The following COL14A1 variants were observed in gnomAD, a reference collection of about 807,000 sequenced individuals.
COL14A1 encodes the protein collagen type XIV alpha 1 chain.
A neutral mutation model predicts 230.3 loss-of-function variants in COL14A1; 136 were observed. That is an observed-to-expected ratio of 0.59 (90% confidence interval 0.51 to 0.68). COL14A1 has a LOEUF of 0.68. COL14A1 is among the 30% of genes least tolerant of loss of function. The pLI, the probability that COL14A1 is intolerant of heterozygous loss-of-function variation, is 0.00. For synonymous variants in COL14A1, 792 were observed against 784.1 expected (o/e 1.01, Z -0.17); for missense variants, 1,976 against 2,215.8 (o/e 0.89, Z 2.17).
At chr8:120,175,038 AAG>A (rs1816232975) in intron 5 of COL14A1, among the ~76,000 whole-genome samples, 1 of 152,168 alleles carries the variant, frequency 6.6e-6, no homozygotes, top group African/African-American at 2.4e-5. Flanking sequence ...TTTCTTGTAT[AAG>A]AGTCTACACT....
At chr8:120,346,830 A>G (rs930852) in intron 45 of COL14A1, among the ~76,000 whole-genome samples, 81,943 of 152,072 alleles carry the variant, frequency 0.54, 23,560 homozygotes, top group African/African-American at 0.76. Context: ...GAGAGCAGGG[A>G]TTGGTTCTGA....
intron 1 of COL14A1, among the ~76,000 whole-genome samples, chr8:120,135,689 G>T (rs1814688828): frequency 6.6e-6 from 1 of 151,814 alleles, no homozygotes; most frequent in Non-Finnish European, 1.5e-5. Flanking sequence ...TGAATCTATA[G>T]ATTATCTTAA....
intron 25 of COL14A1, among the ~76,000 whole-genome samples, chr8:120,267,603 A>G (rs1819535941): frequency 6.6e-6 from 1 of 151,892 alleles, no homozygotes; most frequent in South Asian, 2.1e-4. Flanking sequence ...TTTGATCTAC[A>G]TTTTGAAGAA....
At chr8:120,290,484 A>G (rs1408008853) in intron 34 of COL14A1, among the ~76,000 whole-genome samples, 4 of 152,182 alleles carry the variant, frequency 2.6e-5, no homozygotes, top group Non-Finnish European at 2.9e-5. Context: ...GAGTCATTCT[A>G]TAGTGAGGCA....
Position 120,173,298 on chromosome 8 carries a change from C to A in COL14A1, c.436+5051C>A, listed in dbSNP as rs565144783. On this transcript the variant is annotated intron_variant, in intron 5 of 47. Coordinates refer to ENST00000297848, the MANE Select transcript of COL14A1 (RefSeq NM_021110.4). ...CTAGGCGGGAACTATTTCATGCTGT[C>A]TCTTATGTCTTTTAAATATGTTCCC... Among the ~76,000 whole-genome samples, 5 of 152,208 alleles carry A rather than the reference C, an allele frequency of 3.3e-5. No individual in the cohort carries two copies. In the East Asian group the frequency reaches 9.7e-4, roughly 29 times the overall value.
intron 1 of COL14A1, among the ~76,000 whole-genome samples, chr8:120,126,746 G>A (rs1192117371): frequency 3.9e-5 from 6 of 152,170 alleles, no homozygotes; most frequent in African/African-American, 1.4e-4. Context: ...GTTTCTGACA[G>A]CATGGTCCAG....
At chr8:120,299,199 C>T (rs1006106810) in intron 35 of COL14A1, among the ~76,000 whole-genome samples, 1 of 152,036 alleles carries the variant, frequency 6.6e-6, no homozygotes, top group East Asian at 1.9e-4. Context: ...GGTGGGGACA[C>T]AGCCAAACTG....
chr8:120,241,142 TATTAAG>T (rs1317605640), intron 19 of COL14A1, among the ~76,000 whole-genome samples: 1 of 152,248 alleles, frequency 6.6e-6, no homozygotes, highest in African/African-American at 2.4e-5. Context: ...TAGTTTCAGA[TATTAAG>T]ATTAACATTT....
chr8:120,275,540 C>T (rs1276928127), intron 26 of COL14A1, among the ~76,000 whole-genome samples: 1 of 151,284 alleles, frequency 6.6e-6, no homozygotes, highest in Non-Finnish European at 1.5e-5. Context: ...TCAGAGTAAA[C>T]AGAAAACACA....
chr8:120,227,181 C>T, intron 16 of COL14A1, 39 bp from the exon 17 acceptor site: 2 of 1,586,884 alleles, frequency 1.3e-6, no homozygotes, highest in South Asian at 1.2e-5. Flanking sequence ...ACTTTTTTTT[C>T]AAATAAGCAT....
chr8:120,344,279 A>T (rs2130281075), intron 44 of COL14A1, among the ~76,000 whole-genome samples: 1 of 152,328 alleles, frequency 6.6e-6, no homozygotes, highest in Admixed American at 6.5e-5. Context: ...TGGGATCCTT[A>T]TTGTATTCCT....
intron 5 of COL14A1, among the ~76,000 whole-genome samples, chr8:120,182,958 C>G (rs1563656476): frequency 6.6e-6 from 1 of 152,034 alleles, no homozygotes. Context: ...AACTCCTGAG[C>G]TCAGGTGATC....
intron 36 of COL14A1, among the ~76,000 whole-genome samples, chr8:120,305,508 G>A (rs565351752): frequency 3.3e-5 from 5 of 152,000 alleles, no homozygotes; most frequent in African/African-American, 9.6e-5. Context: ...TTTTATTTGC[G>A]ACATTTCATT....
At position 120,372,454 on chromosome 8, in the gene COL14A1, G is replaced by C. The variant is rs557401006; in HGVS notation, c.*1223G>C. 6.6e-6 allele frequency among the ~76,000 whole-genome samples: 1 copy of C among 152,112 alleles called. No individual in the cohort carries two copies. The highest frequency in any genetic ancestry group is 1.5e-5 in the Non-Finnish European group (1 of 68,014). ...CATACTTTGTCTTTTGCTCACAAAG[G>C]AAAAATCTAGGTATTTGAGAAAGAT... On this transcript the variant is annotated 3_prime_UTR_variant, in exon 48 of 48. Coordinates refer to ENST00000297848, the MANE Select transcript of COL14A1 (RefSeq NM_021110.4).
chr8:120,197,900 C>G lies in COL14A1; in HGVS notation c.682C>G (p.Leu228Val). ...KDEVIEAVRN[L>V]PYKGGNTLTG... is the part of the protein sequence containing the mutation. The stretch of plus-strand genomic sequence containing the variant: ...TGAAGTGATTGAAGCTGTCCGAAAC[C>G]TCCCATATAAAGGAGGAAATACACT... The change falls in exon 7 of 48, where the codon CTC becomes GTC. Residue 228 changes from leucine (L) to valine (V), a missense_variant. Physicochemically the swap from Leu to Val is conservative, Grantham distance 32. This residue lies in a region of COL14A1 where 1,791 missense variants were observed against 2,019.5 expected (regional missense o/e 0.89). Transcript: ENST00000297848. 6.2e-7 allele frequency: 1 copy of G among 1,613,588 alleles called. No individual in the cohort carries two copies. The highest frequency in any genetic ancestry group is 8.5e-7 in the Non-Finnish European group (1 of 1,179,666).
At chr8:120,243,650 T>A (rs904377249) in intron 19 of COL14A1, among the ~76,000 whole-genome samples, 1 of 151,858 alleles carries the variant, frequency 6.6e-6, no homozygotes. Context: ...TCCTTAGAGC[T>A]TAAGAGTGTC....
intron 36 of COL14A1, 114 bp from the exon 37 acceptor site, chr8:120,309,895 G>A: frequency 1.0e-6 from 1 of 954,360 alleles, no homozygotes. Context: ...ATTACACAGT[G>A]TGTTGGCCTT....
chr8:120,218,656 G>A (rs1817838944), intron 14 of COL14A1, among the ~76,000 whole-genome samples: 1 of 152,288 alleles, frequency 6.6e-6, no homozygotes, highest in South Asian at 2.1e-4. Context: ...CATGAATGCA[G>A]AAGAAATTCT....
At chr8:120,283,849 T>A (rs1387456229) in intron 32 of COL14A1, 71 bp downstream of exon 32, 3 of 1,328,528 alleles carry the variant, frequency 2.3e-6, no homozygotes, top group East Asian at 4.7e-5. Flanking sequence ...CCATTTTGCC[T>A]GTTTGTGTAT....
Sources: gnomAD v4.1 joint callset for allele counts (sites outside exome capture counted in the v4.1 genomes callset) on GRCh38, gnomAD v4.1.1 for gene constraint, gnomAD v4.1.1 regional missense constraint, MANE v1.5 for transcripts, NCBI Gene and HGNC (gene_info 2026-07-23, HGNC 2026-07-21) for gene names.